The following SLC2A13 variants were observed in gnomAD, a reference collection of about 807,000 sequenced individuals.
SLC2A13 encodes solute carrier family 2 member 13, also known as proton myo-inositol cotransporter.
In SLC2A13, 32 loss-of-function variants were observed where a neutral mutation model predicts 64.4. The ratio of observed to expected loss-of-function variants is 0.50; its 90% CI spans 0.37 to 0.67. SLC2A13 has a LOEUF of 0.67. SLC2A13 is among the 30% of genes least tolerant of loss of function. The pLI is 0.00. For missense variants in SLC2A13, 743 were observed against 829.2 expected (o/e 0.90, Z 1.28); for synonymous variants, 338 against 327.1 (o/e 1.03, Z -0.36).
At chr12:40,055,033 C>A (rs1948313506) in intron 1 of SLC2A13, among the ~76,000 whole-genome samples, 1 of 152,174 alleles carries the variant, frequency 6.6e-6, no homozygotes, top group African/African-American at 2.4e-5. Flanking sequence ...GAATCAGAAT[C>A]CCTCGCTGTG....
chr12:39,977,309 C>G (rs1946780031), intron 3 of SLC2A13, among the ~76,000 whole-genome samples: 2 of 152,174 alleles, frequency 1.3e-5, no homozygotes, highest in Non-Finnish European at 2.9e-5. Context: ...ACCCCAAACC[C>G]CTCAAAGTTT....
At chr12:39,892,875 T>G (rs2135984073) in intron 4 of SLC2A13, among the ~76,000 whole-genome samples, 1 of 152,258 alleles carries the variant, frequency 6.6e-6, no homozygotes, top group South Asian at 2.1e-4. Context: ...TTTTTCTCAA[T>G]AAAGCAAAAT....
At chr12:39,798,080 T>G (rs1486748260) in intron 7 of SLC2A13, among the ~76,000 whole-genome samples, 1 of 152,170 alleles carries the variant, frequency 6.6e-6, no homozygotes, top group African/African-American at 2.4e-5. Context: ...GATCATTCAC[T>G]TTGGAGGAAG....
chr12:40,089,942 CT>C (rs1348739033), intron 1 of SLC2A13, among the ~76,000 whole-genome samples: 1 of 152,020 alleles, frequency 6.6e-6, no homozygotes, highest in Admixed American at 6.6e-5. Flanking sequence ...CAGTAGAGAC[CT>C]TCTGGGCCCA....
chr12:39,806,428 T>C (rs760069027), intron 7 of SLC2A13, among the ~76,000 whole-genome samples: 3 of 152,190 alleles, frequency 2.0e-5, no homozygotes, highest in Non-Finnish European at 2.9e-5. Context: ...ACAAGGCACT[T>C]TTTCTCCTAA....
chr12:39,975,987 C>A (rs1267000924), intron 3 of SLC2A13, among the ~76,000 whole-genome samples: 2 of 152,184 alleles, frequency 1.3e-5, no homozygotes, highest in Non-Finnish European at 2.9e-5. Context: ...AATATAATAA[C>A]TGCTAATCAA....
intron 1 of SLC2A13, among the ~76,000 whole-genome samples, chr12:40,056,139 C>G (rs1018417457): frequency 2.0e-5 from 3 of 151,628 alleles, no homozygotes; most frequent in Non-Finnish European, 4.4e-5. Context: ...TAAGATATAA[C>G]TTATGTAACC....
intron 3 of SLC2A13, among the ~76,000 whole-genome samples, chr12:40,019,864 G>C (rs143172946): frequency 6.6e-6 from 1 of 152,028 alleles, no homozygotes; most frequent in Non-Finnish European, 1.5e-5. Flanking sequence ...TTATAGTTCC[G>C]GCTTCATAAA....
chr12:39,915,886 C>G (rs1256573834), intron 4 of SLC2A13, among the ~76,000 whole-genome samples: 1 of 151,956 alleles, frequency 6.6e-6, no homozygotes, highest in African/African-American at 2.4e-5. Flanking sequence ...CACGACAAAT[C>G]TCTGATTTAC....
At chr12:39,786,509 A>G (rs758618662) in intron 7 of SLC2A13, among the ~76,000 whole-genome samples, 32 of 152,142 alleles carry the variant, frequency 2.1e-4, no homozygotes, top group Non-Finnish European at 3.4e-4. Flanking sequence ...GGGGCTGGTC[A>G]TGTGTTCTAA....
Position 39,872,054 on chromosome 12 carries a change from A to G in SLC2A13, c.1035-93T>C, listed in dbSNP as rs1944070551. On this transcript the variant is annotated intron_variant, in intron 4 of 9. Coordinates refer to ENST00000280871, the MANE Select transcript of SLC2A13 (RefSeq NM_052885.4). ...AAAAGATGTATTCAATTTGAAAAAA[A>G]TATAAGGAGAACTACAGTAATAACA... is the stretch of plus-strand genomic sequence containing the variant. The G allele has an allele frequency of 3.2e-5, 35 of 1,098,054 alleles. No homozygotes were observed. The South Asian group carries it at 8.6e-4, about 27-fold the overall frequency. 68.0% of individuals were successfully genotyped at this position (1,098,054 alleles called of 1,614,324 possible).
chr12:40,037,630 C>CAA (rs36117892), intron 2 of SLC2A13, among the ~76,000 whole-genome samples: 179 of 73,946 alleles, frequency 2.4e-3, no homozygotes, highest in Middle Eastern at 7.5e-3. Flanking sequence ...ACTCAGGTCT[C>CAA]AAAAAAAAAA....
intron 1 of SLC2A13, among the ~76,000 whole-genome samples, chr12:40,061,313 GT>G (rs1948417697): frequency 6.6e-6 from 1 of 152,028 alleles, no homozygotes; most frequent in African/African-American, 2.4e-5. Context: ...CTTTAGTCTT[GT>G]GCAGGAAACA....
intron 6 of SLC2A13, among the ~76,000 whole-genome samples, chr12:39,858,091 A>G (rs1943654144): frequency 2.6e-5 from 4 of 152,256 alleles, no homozygotes; most frequent in African/African-American, 9.6e-5. Context: ...TGTCCCATAA[A>G]TGGCAAACTT....
chr12:39,946,574 T>C (rs761917760), intron 4 of SLC2A13, among the ~76,000 whole-genome samples: 6 of 152,150 alleles, frequency 3.9e-5, no homozygotes, highest in African/African-American at 1.2e-4. Flanking sequence ...TCCCAGGTCA[T>C]TGGAGTTGTG....
intron 7 of SLC2A13, among the ~76,000 whole-genome samples, chr12:39,787,906 A>G (rs1364120127): frequency 6.6e-6 from 1 of 152,188 alleles, no homozygotes; most frequent in Non-Finnish European, 1.5e-5. Context: ...GTATTGATGA[A>G]AAGAGCAGTA....
intron 6 of SLC2A13, among the ~76,000 whole-genome samples, chr12:39,852,963 C>T (rs1943509149): frequency 6.6e-6 from 1 of 152,190 alleles, no homozygotes; most frequent in Non-Finnish European, 1.5e-5. Context: ...CCAGAAAATT[C>T]TGTAACCAAT....
chr12:39,974,196 T>C (rs916404383), intron 3 of SLC2A13, among the ~76,000 whole-genome samples: 1 of 152,234 alleles, frequency 6.6e-6, no homozygotes, highest in Non-Finnish European at 1.5e-5. Flanking sequence ...GTTTTACAGA[T>C]GAAGTTTATG....
At chr12:39,959,527 A>G (rs1565562337) in intron 3 of SLC2A13, among the ~76,000 whole-genome samples, 3 of 152,264 alleles carry the variant, frequency 2.0e-5, no homozygotes, top group Admixed American at 6.5e-5. Flanking sequence ...GGAGATGATT[A>G]TAGGTCTTAA....
Sources: allele counts gnomAD v4.1 joint callset (sites outside exome capture counted in the v4.1 genomes callset), GRCh38; gene constraint gnomAD v4.1.1; transcripts MANE v1.5; gene names NCBI Gene and HGNC (gene_info 2026-07-23, HGNC 2026-07-21).